The following PITPNM3 variants were observed in gnomAD, a reference collection of about 807,000 sequenced individuals.
PITPNM3 encodes membrane-associated phosphatidylinositol transfer protein 3.
In PITPNM3, 26 loss-of-function variants were observed where a neutral mutation model predicts 102.0. That is an observed-to-expected ratio of 0.25 (90% CI 0.19 to 0.35). The LOEUF (loss-of-function observed/expected upper bound fraction) is 0.35. Ranked by LOEUF, PITPNM3 falls within the 10% of genes least tolerant of loss-of-function variation. PITPNM3 has a pLI of 1.00. For missense variants in PITPNM3, 1,083 were observed against 1,346.1 expected, an observed-to-expected ratio of 0.80 and a Z score of 3.06; for synonymous variants, 578 against 558.6, an observed-to-expected ratio of 1.03 and a Z score of -0.49.
At chr17:6,516,304 C>T in intron 3 of PITPNM3, among the ~76,000 whole-genome samples, 1 of 152,164 alleles carries the variant, frequency 6.6e-6, no homozygotes, top group East Asian at 1.9e-4. Context: ...TGGCTCATGC[C>T]TGTAATCCCA....
chr17:6,530,943 A>G (rs1597406626), intron 2 of PITPNM3, among the ~76,000 whole-genome samples: 1 of 152,260 alleles, frequency 6.6e-6, no homozygotes, highest in East Asian at 1.9e-4. Flanking sequence ...CAGCATCCTC[A>G]TTTTACAGGT....
rs1333416408 is a variant in PITPNM3, at chr17:6,517,849, TGTAC to T, written c.226+7503_226+7506del. Among the ~76,000 whole-genome samples the T allele has an allele frequency of 6.6e-6, 1 of 152,174 alleles. No homozygotes were observed. The highest frequency in any genetic ancestry group is 1.5e-5 in the Non-Finnish European group (1 of 68,038). On this transcript the variant is annotated intron_variant, in intron 3 of 19. Transcript: ENST00000262483. This position sits in a 1 kb window ranked among gnomAD's most constrained non-coding sequence, Gnocchi z 4.1. ...TATTGGGATTACAGGCATGAGCCACTGTACCTGGCCAAAAATACCAGTTTTCAAA... is the reference window on the plus strand; with the variant it reads ...TATTGGGATTACAGGCATGAGCCACTCTGGCCAAAAATACCAGTTTTCAAA...
Position 6,478,174 on chromosome 17 carries a change from G to A in PITPNM3, c.778-77C>T. The A allele has an allele frequency of 6.3e-7, 1 of 1,597,898 alleles. No homozygotes were observed. The highest frequency in any genetic ancestry group is 8.5e-7 in the Non-Finnish European group (1 of 1,174,834). On this transcript the variant is annotated intron_variant, in intron 7 of 19. Coordinates refer to ENST00000262483, the MANE Select transcript of PITPNM3 (RefSeq NM_031220.4). The surrounding 1 kb of genome is among the most constrained non-coding windows in gnomAD (Gnocchi z 4.4). ...CCCCACACCCGGCCAGAGCAGTGCT[G>A]CCTCCCCACAGGAGAATGAGAAACT...
intron 1 of PITPNM3, among the ~76,000 whole-genome samples, chr17:6,553,803 C>T (rs754936610): frequency 6.6e-6 from 1 of 152,064 alleles, no homozygotes; most frequent in Non-Finnish European, 1.5e-5. Flanking sequence ...GTCTGCCCAT[C>T]CGAGGCAGGT....
At chr17:6,519,569 C>T (rs58462936) in intron 3 of PITPNM3, among the ~76,000 whole-genome samples, 9,102 of 151,218 alleles carry the variant, frequency 0.06, 579 homozygotes, top group East Asian at 0.16. Context: ...GTGGCTCACA[C>T]CTGTAATCCT....
At chr17:6,535,547 G>A (rs1419891830) in intron 2 of PITPNM3, among the ~76,000 whole-genome samples, 4 of 152,122 alleles carry the variant, frequency 2.6e-5, no homozygotes, top group East Asian at 1.9e-4. Flanking sequence ...AGAGATATAC[G>A]AGGTCCTGTA....
chr17:6,474,663 G>T, intron 9 of PITPNM3, 59 bp from the exon 10 acceptor site: 1 of 1,518,334 alleles, frequency 6.6e-7, no homozygotes, highest in Non-Finnish European at 8.9e-7. Flanking sequence ...GAATGCGGGA[G>T]TGTTCACACA....
intron 1 of PITPNM3, among the ~76,000 whole-genome samples, chr17:6,542,828 C>T (rs902435968): frequency 6.6e-6 from 1 of 152,196 alleles, no homozygotes; most frequent in African/African-American, 2.4e-5. Context: ...CCTCCAAGGC[C>T]CAGCCCACCT....
chr17:6,484,451 T>C (rs1905949442), intron 4 of PITPNM3, among the ~76,000 whole-genome samples, 159 bp from the exon 5 acceptor site: 1 of 152,184 alleles, frequency 6.6e-6, no homozygotes, highest in Non-Finnish European at 1.5e-5. Context: ...ATCCAGGCCC[T>C]GCCTCTGAAA....
intron 5 of PITPNM3, among the ~76,000 whole-genome samples, chr17:6,483,967 C>A (rs1261988837): frequency 2.0e-5 from 3 of 152,136 alleles, no homozygotes; most frequent in Non-Finnish European, 4.4e-5. Flanking sequence ...TGTGATAGAA[C>A]CTCTGGTGCA....
chr17:6,536,682 AGAACTAGTC>A (rs1379134822), intron 2 of PITPNM3, among the ~76,000 whole-genome samples: 4 of 152,260 alleles, frequency 2.6e-5, no homozygotes, highest in Non-Finnish European at 5.9e-5. Flanking sequence ...CCAAGGTCAC[AGAACTAGTC>A]GATGGCATGG....
chr17:6,552,597 C>T (rs906315161), intron 1 of PITPNM3, among the ~76,000 whole-genome samples: 5 of 152,124 alleles, frequency 3.3e-5, no homozygotes, highest in African/African-American at 7.2e-5. Flanking sequence ...CATTCTTCCG[C>T]TCCAGCCAGG....
rs74505516 is a variant in PITPNM3, at chr17:6,517,790, G to C, written c.226+7566C>G. The stretch of plus-strand genomic sequence containing the variant: ...ACCCAGGCTGGTCCCAAATTCCTGG[G>C]CTCAAGCGATCCTCCCACCTCGGCC... On this transcript the variant is annotated intron_variant, in intron 3 of 19. Transcript: ENST00000262483. This position sits in a 1 kb window ranked among gnomAD's most constrained non-coding sequence, Gnocchi z 4.1. Among the ~76,000 whole-genome samples the C allele has an allele frequency of 0.052, 7,934 of 152,078 alleles. 441 individuals carry two copies. The highest frequency in any genetic ancestry group is 0.16 in the East Asian group (837 of 5,158).
chr17:6,552,762 CTTTTTTTTT>C (rs34225911), intron 1 of PITPNM3, among the ~76,000 whole-genome samples: 14 of 89,018 alleles, frequency 1.6e-4, no homozygotes, highest in Admixed American at 5.3e-4. Context: ...CTTTCTTTTT[CTTTTTTTTT>C]TTTTTTTTTT....
chr17:6,549,712 A>T (rs1910206224), intron 1 of PITPNM3, among the ~76,000 whole-genome samples: 1 of 152,160 alleles, frequency 6.6e-6, no homozygotes, highest in African/African-American at 2.4e-5. Context: ...AAAGAGAGAG[A>T]GTGGAGAGAG....
chr17:6,458,604 G>A lies in PITPNM3; in HGVS notation c.2491-882C>T, dbSNP rs147952770. The stretch of plus-strand genomic sequence containing the variant: ...AACTTCCACATGTCCGCTCCGCTCA[G>A]GGCTTCTGCCCCCTCCCCACCACTT... On this transcript the variant is annotated intron_variant, in intron 18 of 19. Coordinates refer to ENST00000262483, the MANE Select transcript of PITPNM3 (RefSeq NM_031220.4). This position sits in a 1 kb window ranked among gnomAD's most constrained non-coding sequence, Gnocchi z 5.1. Among the ~76,000 whole-genome samples the A allele has an allele frequency of 4.4e-3, 668 of 152,186 alleles. 4 individuals are homozygous for A. Among genetic ancestry groups the A allele is most frequent in the Admixed American group, 8.8e-3 (135 of 15,296 alleles).
chr17:6,522,287 C>T (rs953535309), intron 3 of PITPNM3, among the ~76,000 whole-genome samples: 47 of 10,086 alleles, frequency 4.7e-3, no homozygotes, highest in Middle Eastern at 0.062. Flanking sequence ...TTAGTGTGCG[C>T]ACACACACAC....
Position 6,474,733 on chromosome 17 carries a change from G to A in PITPNM3, c.1086-129C>T, listed in dbSNP as rs990924398. On this transcript the variant is annotated intron_variant, in intron 9 of 19. Coordinates refer to ENST00000262483, the MANE Select transcript of PITPNM3 (RefSeq NM_031220.4). ...AACCCTCCATCTCTGGGGCGGGGCT[G>A]AGAGTCCACCGGCTGCACACCACCT... is the stretch of plus-strand genomic sequence containing the variant. 54 of 1,161,674 alleles carry A rather than the reference G, an allele frequency of 4.6e-5. No homozygotes were observed. In the African/African-American group the frequency reaches 7.7e-4, roughly 16 times the overall value. The allele number at this position is 1,161,674 out of a possible 1,614,324, so 72.0% of individuals were successfully genotyped here.
At chr17:6,503,694 A>C in intron 3 of PITPNM3, 120 bp from the exon 4 acceptor site, 1 of 997,796 alleles carries the variant, frequency 1.0e-6, no homozygotes, top group South Asian at 1.3e-5. Flanking sequence ...GATGGGCAGA[A>C]GTATCTCCTA....
Sources: gnomAD v4.1 joint callset for allele counts (sites outside exome capture counted in the v4.1 genomes callset) on GRCh38, gnomAD v4.1.1 for gene constraint, Gnocchi (gnomAD v3.1) non-coding constraint, MANE v1.5 for transcripts, NCBI Gene and HGNC (gene_info 2026-07-23, HGNC 2026-07-21) for gene names.